Variants in TTLL5 observed in about 807,000 individuals in gnomAD.
The protein encoded by TTLL5 is tubulin polyglutamylase TTLL5.
In TTLL5, 132 loss-of-function variants were observed where a neutral mutation model predicts 168.4. That is an observed-to-expected ratio of 0.78 (90% CI 0.68 to 0.91). TTLL5 has a LOEUF of 0.91. Among genes scored for constraint, TTLL5 ranks in the 40% least tolerant of loss-of-function variants. TTLL5 has a pLI of 0.00. For synonymous variants in TTLL5, 546 were observed against 558.6 expected, an observed-to-expected ratio of 0.98 and a Z score of 0.32; for missense variants, 1,545 against 1,581.5, an observed-to-expected ratio of 0.98 and a Z score of 0.39.
At chr14:75,909,459 G>A (rs965705930) in intron 31 of TTLL5, among the ~76,000 whole-genome samples, 2 of 151,696 alleles carry the variant, frequency 1.3e-5, no homozygotes, top group African/African-American at 4.8e-5. Context: ...CCCCACTGCT[G>A]TCTTCTGCCT....
intron 28 of TTLL5, among the ~76,000 whole-genome samples, chr14:75,822,846 A>C (rs910240835): frequency 6.6e-6 from 1 of 152,098 alleles, no homozygotes; most frequent in African/African-American, 2.4e-5. Context: ...CTGGAGTCCT[A>C]TTCAGGCTTT....
At chr14:75,915,737 A>G (rs994101589) in intron 31 of TTLL5, among the ~76,000 whole-genome samples, 6 of 152,250 alleles carry the variant, frequency 3.9e-5, no homozygotes, top group Admixed American at 1.3e-4. Context: ...TAATAGGCAC[A>G]TGAAAAGATG....
At chr14:75,871,452 C>T (rs573018938) in intron 29 of TTLL5, among the ~76,000 whole-genome samples, 2 of 152,176 alleles carry the variant, frequency 1.3e-5, no homozygotes, top group African/African-American at 4.8e-5. Context: ...CGTCCTCCCC[C>T]ACGACAGAAT....
intron 31 of TTLL5, among the ~76,000 whole-genome samples, chr14:75,911,086 G>A (rs568680331): frequency 2.1e-4 from 32 of 152,230 alleles, no homozygotes; most frequent in African/African-American, 5.8e-4. Flanking sequence ...GGAGTGCAGC[G>A]GCATGATCTC....
intron 28 of TTLL5, among the ~76,000 whole-genome samples, chr14:75,822,251 A>C (rs1894874120): frequency 6.6e-6 from 1 of 152,176 alleles, no homozygotes; most frequent in Non-Finnish European, 1.5e-5. Context: ...AAGTTTAATG[A>C]ATACAGGATT....
chr14:75,928,919 C>T (rs2034177444), intron 31 of TTLL5, among the ~76,000 whole-genome samples: 1 of 152,156 alleles, frequency 6.6e-6, no homozygotes, highest in Non-Finnish European at 1.5e-5. Flanking sequence ...CACATCTGTT[C>T]CAGGAATTAT....
chr14:75,929,094 G>C (rs2034186977), intron 31 of TTLL5, among the ~76,000 whole-genome samples: 1 of 150,538 alleles, frequency 6.6e-6, no homozygotes, highest in Non-Finnish European at 1.5e-5. Context: ...GAATCTCTGA[G>C]TCTTAGAAGT....
intron 31 of TTLL5, among the ~76,000 whole-genome samples, chr14:75,944,538 G>A (rs2034709074): frequency 6.6e-6 from 1 of 152,160 alleles, no homozygotes. Flanking sequence ...AGCAGTTACA[G>A]AAGACTGACC....
intron 29 of TTLL5, among the ~76,000 whole-genome samples, chr14:75,876,713 G>C (rs1434047974): frequency 6.6e-6 from 1 of 152,186 alleles, no homozygotes; most frequent in East Asian, 1.9e-4. Context: ...ACCCAGTCTT[G>C]TCCCAGCCGA....
chr14:75,755,558 C>A (rs1890201724), intron 18 of TTLL5, among the ~76,000 whole-genome samples: 1 of 151,886 alleles, frequency 6.6e-6, no homozygotes, highest in Non-Finnish European at 1.5e-5. Context: ...ATTTAGATTC[C>A]CAGATTGTAT....
chr14:75,730,278 G>A (rs190453481), intron 12 of TTLL5, among the ~76,000 whole-genome samples: 13 of 152,228 alleles, frequency 8.5e-5, no homozygotes, highest in African/African-American at 3.1e-4. Context: ...GGTTAAAGGG[G>A]CAATATTCTA....
chr14:75,838,561 CA>C (rs976171634), intron 28 of TTLL5: 59 of 109,420 alleles, frequency 5.4e-4, no homozygotes, highest in Non-Finnish European at 5.3e-4. Context: ...GACTCCGTCT[CA>C]AAAAAAAAAA....
chr14:75,730,189 G>C (rs186439527), intron 12 of TTLL5, among the ~76,000 whole-genome samples: 8 of 152,192 alleles, frequency 5.3e-5, no homozygotes, highest in African/African-American at 1.9e-4. Context: ...AAATGTTTAT[G>C]TAGACTTGTA....
intron 28 of TTLL5, among the ~76,000 whole-genome samples, chr14:75,844,063 A>T (rs1896406236): frequency 6.6e-6 from 1 of 151,210 alleles, no homozygotes; most frequent in Admixed American, 6.6e-5. Flanking sequence ...TTGTATTTTT[A>T]GTAGAGATGG....
intron 21 of TTLL5, among the ~76,000 whole-genome samples, chr14:75,773,975 G>GAGAA (rs1891555020): frequency 7.4e-6 from 1 of 135,600 alleles, no homozygotes; most frequent in African/African-American, 2.8e-5. Flanking sequence ...GAGAGAGAGA[G>GAGAA]AGAGAGAGAG....
At chr14:75,703,424 A>G (rs1886421940) in intron 7 of TTLL5, among the ~76,000 whole-genome samples, 1 of 152,208 alleles carries the variant, frequency 6.6e-6, no homozygotes, top group African/African-American at 2.4e-5. Flanking sequence ...CCACAGATGG[A>G]AACATCTCGG....
chr14:75,898,991 A>T (rs897756327), intron 30 of TTLL5, among the ~76,000 whole-genome samples: 1 of 152,246 alleles, frequency 6.6e-6, no homozygotes, highest in African/African-American at 2.4e-5. Context: ...GTTGGAGTCA[A>T]TGAGTCATTC....
intron 17 of TTLL5, among the ~76,000 whole-genome samples, chr14:75,748,318 T>C (rs1889735951): frequency 6.6e-6 from 1 of 152,120 alleles, no homozygotes; most frequent in Non-Finnish European, 1.5e-5. Context: ...CTATGTATTT[T>C]TGCTTTTTTC....
intron 2 of TTLL5, among the ~76,000 whole-genome samples, chr14:75,666,705 G>T (rs1883289229): frequency 6.6e-6 from 1 of 152,142 alleles, no homozygotes; most frequent in Admixed American, 6.5e-5. Flanking sequence ...TTTCTAATAG[G>T]GGTAGTGGTA....
Sources: allele counts gnomAD v4.1 joint callset (sites outside exome capture counted in the v4.1 genomes callset), GRCh38; gene constraint gnomAD v4.1.1; transcripts MANE v1.5; gene names NCBI Gene and HGNC (gene_info 2026-07-23, HGNC 2026-07-21).